Variants in ZBED6 observed in about 807,000 individuals in gnomAD.
The protein encoded by ZBED6 is zinc finger BED-type containing 6.
A neutral mutation model predicts 58.4 loss-of-function variants in ZBED6; 40 were observed. The ratio of observed to expected loss-of-function variants is 0.68; its 90% confidence interval spans 0.53 to 0.89. The LOEUF (loss-of-function observed/expected upper bound fraction) is 0.89. ZBED6 is among the 40% of genes least tolerant of loss of function. The probability of loss-of-function intolerance (pLI) is 0.00; values close to 1 mark genes in which losing one functional copy is unlikely to be tolerated. For missense variants in ZBED6, 1,057 were observed against 1,003.9 expected (o/e 1.05, Z -0.71); for synonymous variants, 439 against 350.6 (o/e 1.25, Z -2.82).
intron 7 of ZBED6, among the ~76,000 whole-genome samples, 159 bp from the exon 8 acceptor site, chr1:203,831,502 C>A (rs780944246): frequency 6.6e-6 from 1 of 152,194 alleles, no homozygotes; most frequent in Non-Finnish European, 1.5e-5. Flanking sequence ...CACCACTACT[C>A]CATTTGACTG....
At chr1:203,843,243 T>C (rs1686970710) in intron 11 of ZBED6, among the ~76,000 whole-genome samples, 2 of 152,224 alleles carry the variant, frequency 1.3e-5, no homozygotes, top group South Asian at 4.1e-4. Flanking sequence ...TGATAATCAG[T>C]ATTTATCATA....
chr1:203,819,089 T>C (rs12755422), intron 3 of ZBED6, among the ~76,000 whole-genome samples: 4,834 of 140,640 alleles, frequency 0.034, 177 homozygotes, highest in African/African-American at 0.089. Flanking sequence ...TATATATATA[T>C]ACACACACAC....
In ZBED6 at chr1:203,846,160, T is replaced by TGG. The variant is rs35704322; in HGVS notation, c.*3742-1015_*3742-1014dup. Among the ~76,000 whole-genome samples, 193 of 132,046 alleles carry TGG rather than the reference T, an allele frequency of 1.5e-3. 1 individual carries two copies. Among genetic ancestry groups the TGG allele is most frequent in the African/African-American group, 2.7e-3 (98 of 36,584 alleles). 86.6% of individuals were successfully genotyped at this position (132,046 alleles called of 152,430 possible). A position where few individuals can be genotyped will look rare whatever the true frequency, so the allele number is the denominator to read the frequency against. On this transcript the variant is annotated intron_variant, in intron 11 of 16. Coordinates refer to ENST00000550078, the Ensembl canonical transcript of ZBED6. ...AGATTTTGAAAAGATATAATTTTTT[T>TGG]GGGGGGGGGGTTCATTAAAAGCTGT... is the stretch of plus-strand genomic sequence containing the variant.
chr1:203,815,216 C>CTTTTTTTTTTTTTTTTTT lies in ZBED6; in HGVS notation c.*2555-1694_*2555-1693insTTTTTTTTTTTTTTTTTT, dbSNP rs59254922. 5.5e-4 allele frequency among the ~76,000 whole-genome samples: 53 copies of CTTTTTTTTTTTTTTTTTT among 97,138 alleles called. 2 individuals carry two copies. The highest frequency in any genetic ancestry group is 1.2e-3 in the Admixed American group (8 of 6,504). 63.7% of individuals were successfully genotyped at this position (97,138 alleles called of 152,430 possible). On this transcript the variant is annotated intron_variant, in intron 1 of 16. Coordinates refer to ENST00000550078, the Ensembl canonical transcript of ZBED6. ...TTCATTATTTTCTTCCTTTTCTTTT[C>CTTTTTTTTTTTTTTTTTT]TTTTTTTTTTTTTTTTGAGACAGTG...
chr1:203,832,906 C>G (rs1194653982), intron 8 of ZBED6, among the ~76,000 whole-genome samples: 1 of 152,154 alleles, frequency 6.6e-6, no homozygotes, highest in African/African-American at 2.4e-5. Context: ...GTTAAGAATA[C>G]AATCTGTCTT....
chr1:203,819,144 G>T (rs1406301487), intron 3 of ZBED6, among the ~76,000 whole-genome samples: 1 of 145,554 alleles, frequency 6.9e-6, no homozygotes. Context: ...ATGTATATGT[G>T]TGTATATACA....
intron 4 of ZBED6, chr1:203,829,205 T>C (rs1295648476): frequency 3.6e-6 from 2 of 549,700 alleles, no homozygotes; most frequent in East Asian, 6.3e-5. Context: ...CTATGCTTCT[T>C]CTAGTCTTCT....
At position 203,831,791 on chromosome 1, in the gene ZBED6, T is replaced by TA. The variant is rs1558126261; in HGVS notation, c.*3510+21dup. ...AACAAGGTAAGGTATAGATAGGTCTTAGAGTTGTCAAGCCTCTACTTTTAT... is the reference window on the plus strand; with the variant it reads ...AACAAGGTAAGGTATAGATAGGTCTTAAGAGTTGTCAAGCCTCTACTTTTAT... On this transcript the variant is annotated intron_variant, in intron 8 of 16. Coordinates refer to ENST00000550078, the Ensembl canonical transcript of ZBED6. 1.3e-6 allele frequency: 2 copies of TA among 1,586,178 alleles called. No individual in the cohort carries two copies. The highest frequency in any genetic ancestry group is 1.7e-5 in the Admixed American group (1 of 58,192).
intron 3 of ZBED6, among the ~76,000 whole-genome samples, chr1:203,823,561 A>G (rs139372037): frequency 1.5e-3 from 221 of 152,324 alleles, no homozygotes; most frequent in African/African-American, 5.0e-3. Context: ...CCACTTACCA[A>G]TTAACTTGGA....
intron 10 of ZBED6, among the ~76,000 whole-genome samples, chr1:203,839,907 G>A (rs1230421808): frequency 6.6e-6 from 1 of 151,876 alleles, no homozygotes; most frequent in African/African-American, 2.4e-5. Flanking sequence ...GGGTTCAAAC[G>A]ATTCTCCTGT....
intron 7 of ZBED6, among the ~76,000 whole-genome samples, chr1:203,830,471 A>G (rs1681882351): frequency 6.6e-6 from 1 of 152,186 alleles, no homozygotes; most frequent in Admixed American, 6.5e-5. Flanking sequence ...TCATATAAGA[A>G]CTATATTAAT....
intron 1 of ZBED6, among the ~76,000 whole-genome samples, chr1:203,809,320 C>T (rs889683320): frequency 6.6e-5 from 10 of 151,696 alleles, no homozygotes; most frequent in African/African-American, 1.5e-4. Context: ...GGACAACAGG[C>T]GCACACTACC....
At chr1:203,822,530 G>A (rs942187894) in intron 3 of ZBED6, among the ~76,000 whole-genome samples, 5 of 151,942 alleles carry the variant, frequency 3.3e-5, no homozygotes, top group Admixed American at 6.6e-5. Context: ...CTGACCCTGC[G>A]CACATACTCC....
intron 10 of ZBED6, among the ~76,000 whole-genome samples, chr1:203,840,053 C>T (rs555493225): frequency 2.0e-5 from 3 of 151,360 alleles, no homozygotes; most frequent in East Asian, 1.9e-4. Flanking sequence ...ATCCACCCAC[C>T]TCAGCCTCCC....
At chr1:203,824,640 T>C (rs1191220836) in intron 3 of ZBED6, among the ~76,000 whole-genome samples, 1 of 115,254 alleles carries the variant, frequency 8.7e-6, no homozygotes, top group Non-Finnish European at 2.0e-5. Context: ...CTTCTGATAC[T>C]GTAAACAAGT....
At position 203,812,110 on chromosome 1, in the gene ZBED6, C is replaced by T. The variant is rs937535441; in HGVS notation, c.*2555-4816C>T. ...GGGATTACATGTATGAGTCACCACA[C>T]TGGGCCTTAACTTTCATTTTAAATT... On this transcript the variant is annotated intron_variant, in intron 1 of 16. Transcript: ENST00000550078. Among the ~76,000 whole-genome samples, 4 of 152,186 alleles carry T rather than the reference C, an allele frequency of 2.6e-5. No individual in the cohort carries two copies. In the East Asian group the frequency reaches 7.7e-4, roughly 29 times the overall value.
At chr1:203,844,610 G>A (rs1173567657) in intron 11 of ZBED6, among the ~76,000 whole-genome samples, 1 of 151,638 alleles carries the variant, frequency 6.6e-6, no homozygotes, top group Non-Finnish European at 1.5e-5. Flanking sequence ...ACCTGGCTTG[G>A]GTTTCCTTTC....
intron 8 of ZBED6, among the ~76,000 whole-genome samples, chr1:203,832,896 G>A (rs556439386): frequency 6.6e-6 from 1 of 152,228 alleles, no homozygotes; most frequent in East Asian, 1.9e-4. Flanking sequence ...TAACCAATTG[G>A]TTAAGAATAC....
At chr1:203,848,149 T>C (rs1208825495) in intron 12 of ZBED6, among the ~76,000 whole-genome samples, 182 bp from the exon 13 acceptor site, 1 of 152,198 alleles carries the variant, frequency 6.6e-6, no homozygotes, top group African/African-American at 2.4e-5. Flanking sequence ...TGAGCCACCA[T>C]GCCCGGCCAA....
Sources: gnomAD v4.1 joint callset for allele counts (sites outside exome capture counted in the v4.1 genomes callset) on GRCh38, gnomAD v4.1.1 for gene constraint, MANE v1.5 for transcripts, NCBI Gene and HGNC (gene_info 2026-07-23, HGNC 2026-07-21) for gene names.